Variants in MTMR12 observed in about 807,000 individuals in gnomAD.
The protein encoded by MTMR12 is myotubularin related protein 12, also known as myotubularin-related protein 12.
Under a neutral mutation model 96.7 loss-of-function variants are expected in MTMR12, and 33 were observed. That is an observed-to-expected ratio of 0.34 (90% CI 0.26 to 0.46). MTMR12 has a LOEUF of 0.46. Among genes scored for constraint, MTMR12 ranks in the 20% least tolerant of loss-of-function variants. The probability of loss-of-function intolerance (pLI) is 1.00; values close to 1 mark genes in which losing one functional copy is unlikely to be tolerated. For missense variants in MTMR12, 721 were observed against 896.1 expected (o/e 0.80, Z 2.49); for synonymous variants, 298 against 327.2 (o/e 0.91, Z 0.96).
intron 1 of MTMR12, among the ~76,000 whole-genome samples, chr5:32,294,929 C>A (rs201617337): frequency 6.6e-5 from 10 of 152,212 alleles, no homozygotes; most frequent in African/African-American, 2.4e-4. Flanking sequence ...CACATTCTTC[C>A]CTTAGCTGGC....
At chr5:32,271,573 C>G (rs1216915109) in intron 4 of MTMR12, among the ~76,000 whole-genome samples, 4 of 152,164 alleles carry the variant, frequency 2.6e-5, no homozygotes, top group African/African-American at 9.7e-5. Flanking sequence ...ATCAAAAAGT[C>G]TGATCAACAT....
intron 6 of MTMR12, among the ~76,000 whole-genome samples, chr5:32,263,956 A>C (rs540933683): frequency 1.3e-5 from 2 of 152,186 alleles, no homozygotes; most frequent in African/African-American, 4.8e-5. Context: ...GTATCTCAGG[A>C]TCTTCAATGT....
intron 1 of MTMR12, among the ~76,000 whole-genome samples, chr5:32,283,473 T>C (rs1214011628): frequency 6.6e-6 from 1 of 152,216 alleles, no homozygotes; most frequent in African/African-American, 2.4e-5. Flanking sequence ...AGAGTTATTA[T>C]ACCCATGATT....
At chr5:32,279,650 C>G (rs1455549664) in intron 1 of MTMR12, among the ~76,000 whole-genome samples, 1 of 152,270 alleles carries the variant, frequency 6.6e-6, no homozygotes, top group Non-Finnish European at 1.5e-5. Context: ...ATCTGCCACA[C>G]ACAGCAGCAT....
chr5:32,269,847 C>T (rs766584574), intron 5 of MTMR12, among the ~76,000 whole-genome samples: 1 of 152,156 alleles, frequency 6.6e-6, no homozygotes, highest in Admixed American at 6.5e-5. Flanking sequence ...CAATCTATCA[C>T]GCTGTTTCGT....
At position 32,229,739 on chromosome 5, in the gene MTMR12, T is replaced by C; in HGVS notation, c.*39A>G. On this transcript the variant is annotated 3_prime_UTR_variant, in exon 16 of 16. Transcript: ENST00000382142. ...CAAATCCAGGGATCAGCTGTCCCAA[T>C]CTCCCACATTCCTCTTTCACAATCA... 6.7e-7 allele frequency: 1 copy of C among 1,482,374 alleles called. No homozygotes were observed. Among genetic ancestry groups the C allele is most frequent in the Non-Finnish European group, 9.0e-7 (1 of 1,114,022 alleles). 91.8% of individuals were successfully genotyped at this position (1,482,374 alleles called of 1,614,324 possible).
chr5:32,239,308 T>C (rs1053550634), intron 12 of MTMR12, 135 bp from the exon 13 acceptor site: 2 of 919,882 alleles, frequency 2.2e-6, no homozygotes, highest in African/African-American at 3.3e-5. Context: ...CATGTTCTTA[T>C]TCCCTAAAGG....
chr5:32,241,141 C>A (rs750585862), intron 12 of MTMR12, among the ~76,000 whole-genome samples: 11 of 152,140 alleles, frequency 7.2e-5, no homozygotes, highest in Non-Finnish European at 1.3e-4. Context: ...CAATCTTTAT[C>A]CCTCCCCCTT....
At chr5:32,232,403 C>T (rs1478762206) in intron 15 of MTMR12, among the ~76,000 whole-genome samples, 2 of 152,212 alleles carry the variant, frequency 1.3e-5, no homozygotes, top group East Asian at 3.8e-4. Flanking sequence ...TCCCACCTGC[C>T]AACTCCTGGA....
At chr5:32,251,317 T>C (rs1222351808) in intron 8 of MTMR12, among the ~76,000 whole-genome samples, 2 of 152,112 alleles carry the variant, frequency 1.3e-5, no homozygotes, top group Non-Finnish European at 2.9e-5. Context: ...GGTCCCTCTC[T>C]TAATAGAGTC....
chr5:32,285,677 C>T (rs1198995202), intron 1 of MTMR12, among the ~76,000 whole-genome samples: 1 of 152,152 alleles, frequency 6.6e-6, no homozygotes, highest in Non-Finnish European at 1.5e-5. Context: ...TCTACCCCCA[C>T]ATTATCTAAG....
At chr5:32,249,993 T>C (rs529968902) in intron 8 of MTMR12, among the ~76,000 whole-genome samples, 2 of 152,350 alleles carry the variant, frequency 1.3e-5, no homozygotes, top group African/African-American at 4.8e-5. Context: ...AAAGACCTTT[T>C]ATAATTCGGC....
intron 7 of MTMR12, among the ~76,000 whole-genome samples, chr5:32,260,141 G>GCC (rs1749305224): frequency 1.3e-5 from 2 of 151,436 alleles, no homozygotes; most frequent in African/African-American, 4.9e-5. Context: ...CCAGACAGGA[G>GCC]CCTGTGGGTA....
At position 32,229,767 on chromosome 5, in the gene MTMR12, C is replaced by T. The variant is rs768950685; in HGVS notation, c.*11G>A. ...CCCACATTCCTCTTTCACAATCACTCAACAAACAGGTCACACATCCCCTAG... is the reference window on the plus strand; with the variant it reads ...CCCACATTCCTCTTTCACAATCACTTAACAAACAGGTCACACATCCCCTAG... On this transcript the variant is annotated 3_prime_UTR_variant, in exon 16 of 16. Coordinates refer to ENST00000382142, the MANE Select transcript of MTMR12 (RefSeq NM_001040446.3). 6.6e-7 allele frequency: 1 copy of T among 1,512,650 alleles called. No homozygotes were observed. Among genetic ancestry groups the T allele is most frequent in the South Asian group, 1.3e-5 (1 of 74,180 alleles). 93.7% of individuals were successfully genotyped at this position (1,512,650 alleles called of 1,614,324 possible).
chr5:32,254,928 G>C (rs1749080610), intron 8 of MTMR12, among the ~76,000 whole-genome samples: 1 of 152,150 alleles, frequency 6.6e-6, no homozygotes, highest in South Asian at 2.1e-4. Context: ...GGCAACACTT[G>C]GCTCATATTC....
intron 1 of MTMR12, among the ~76,000 whole-genome samples, chr5:32,294,116 C>A (rs187523724): frequency 1.4e-4 from 21 of 152,284 alleles, no homozygotes; most frequent in Non-Finnish European, 2.5e-4. Flanking sequence ...ACTGCATCCT[C>A]TGGGACCACC....
chr5:32,312,336 G>A lies in MTMR12; in HGVS notation c.81+422C>T, dbSNP rs1017161317. 2.6e-5 allele frequency among the ~76,000 whole-genome samples: 4 copies of A among 152,198 alleles called. No individual in the cohort carries two copies. Among genetic ancestry groups the A allele is most frequent in the African/African-American group, 9.7e-5 (4 of 41,442 alleles). ...TCAGACGCAGGCAGCGGAGGCCGGC[G>A]GGCTTCTGGGCTCACTGAGAAAGTC... On this transcript the variant is annotated intron_variant, in intron 1 of 15. Transcript: ENST00000382142. This position sits in a 1 kb window ranked among gnomAD's most constrained non-coding sequence, Gnocchi z 5.0.
At chr5:32,305,233 C>A (rs531144948) in intron 1 of MTMR12, among the ~76,000 whole-genome samples, 1 of 152,060 alleles carries the variant, frequency 6.6e-6, no homozygotes, top group Non-Finnish European at 1.5e-5. Flanking sequence ...GAATTACAGG[C>A]GTTCGCTACC....
intron 1 of MTMR12, among the ~76,000 whole-genome samples, chr5:32,282,528 A>G (rs1336906566): frequency 6.6e-6 from 1 of 152,062 alleles, no homozygotes; most frequent in Non-Finnish European, 1.5e-5. Context: ...CAAAAAAATT[A>G]TAAATATACA....
Sources: allele counts gnomAD v4.1 joint callset (sites outside exome capture counted in the v4.1 genomes callset), GRCh38; gene constraint gnomAD v4.1.1; non-coding constraint Gnocchi (gnomAD v3.1); transcripts MANE v1.5; gene names NCBI Gene and HGNC (gene_info 2026-07-23, HGNC 2026-07-21).